Variants in CLXN observed in about 807,000 individuals in gnomAD.
The protein encoded by CLXN is EF-hand calcium binding domain 1.
At chr8:48,719,991 G>A in the CLXN span, among the ~76,000 whole-genome samples, 8,263 of 152,284 alleles carry the variant, frequency 0.054, 316 homozygotes, top group South Asian at 0.18. Flanking sequence ...AGCTGCGGCA[G>A]AGGAACATAA....
the CLXN span, among the ~76,000 whole-genome samples, chr8:48,714,380 G>A: frequency 6.6e-6 from 1 of 152,218 alleles, no homozygotes; most frequent in Non-Finnish European, 1.5e-5. Context: ...AACGGCAGAG[G>A]AGATGTGTTC....
At chr8:48,731,429 C>G in the CLXN span, 1 of 1,613,458 alleles carries the variant, frequency 6.2e-7, no homozygotes. Flanking sequence ...AGTCCAACAA[C>G]CAGACCTTGC....
the CLXN span, chr8:48,735,143 G>T: frequency 6.2e-7 from 1 of 1,614,130 alleles, no homozygotes; most frequent in South Asian, 1.1e-5. Context: ...GCAGTTTCTT[G>T]CGGTTCATGT....
chr8:48,729,897 A>AATCT, the CLXN span: 1 of 1,591,824 alleles, frequency 6.3e-7, no homozygotes, highest in Non-Finnish European at 8.6e-7. Flanking sequence ...ACAAATCATG[A>AATCT]ATTTGATGCT....
chr8:48,720,115 C>T, the CLXN span, among the ~76,000 whole-genome samples: 12 of 152,282 alleles, frequency 7.9e-5, no homozygotes, highest in Middle Eastern at 6.8e-3. Context: ...TGAAGATGTA[C>T]GTCACCTCAG....
chr8:48,728,435 A>G, the CLXN span, among the ~76,000 whole-genome samples: 1 of 152,136 alleles, frequency 6.6e-6, no homozygotes, highest in Non-Finnish European at 1.5e-5. Flanking sequence ...CCTCCCATAC[A>G]GCTGTTTAGA....
the CLXN span, chr8:48,730,094 CTT>C: frequency 1.5e-5 from 6 of 404,226 alleles, no homozygotes; most frequent in Non-Finnish European, 1.3e-5. Flanking sequence ...GGAACAGTAA[CTT>C]GAATATCTTC....
At chr8:48,726,268 T>TATCCATCC in the CLXN span, among the ~76,000 whole-genome samples, 1 of 134,184 alleles carries the variant, frequency 7.5e-6, no homozygotes, top group Non-Finnish European at 1.6e-5. Context: ...ATCATCTATC[T>TATCCATCC]ATCCATCCAT....
the CLXN span, among the ~76,000 whole-genome samples, chr8:48,713,355 A>G: frequency 0.013 from 2,039 of 152,202 alleles, 52 homozygotes; most frequent in African/African-American, 0.046. Flanking sequence ...GTTGCACTTG[A>G]TGAGAACTAA....
the CLXN span, chr8:48,729,038 A>G: frequency 6.2e-7 from 1 of 1,603,964 alleles, no homozygotes; most frequent in Non-Finnish European, 8.5e-7. Flanking sequence ...AGTCATATCA[A>G]TACCTTTGGA....
At chr8:48,722,470 C>G in the CLXN span, among the ~76,000 whole-genome samples, 20 of 152,170 alleles carry the variant, frequency 1.3e-4, no homozygotes, top group Admixed American at 1.2e-3. Flanking sequence ...GAAGAGAAAT[C>G]TGTGTCCTTA....
At chr8:48,715,200 A>T in the CLXN span, 1 of 152,372 alleles carries the variant, frequency 6.6e-6, no homozygotes, top group Non-Finnish European at 1.5e-5. Flanking sequence ...AATATCTGAA[A>T]TATTCTTCAG....
the CLXN span, among the ~76,000 whole-genome samples, chr8:48,730,959 ATACT>A: frequency 1.9e-3 from 289 of 152,270 alleles, 1 homozygote; most frequent in African/African-American, 6.2e-3. Context: ...TATAAATAAA[ATACT>A]TAATAGTTTT....
chr8:48,727,851 TGAG>T, the CLXN span, among the ~76,000 whole-genome samples: 3 of 152,008 alleles, frequency 2.0e-5, no homozygotes, highest in African/African-American at 4.8e-5. Context: ...CAAACAGATG[TGAG>T]GAGAAGAGGC....
At chr8:48,727,589 C>A in the CLXN span, among the ~76,000 whole-genome samples, 76 of 152,092 alleles carry the variant, frequency 5.0e-4, no homozygotes, top group African/African-American at 1.8e-3. Flanking sequence ...GGCACATGAG[C>A]CAGAGGCTGT....
the CLXN span, chr8:48,735,055 C>T: frequency 2.5e-6 from 4 of 1,612,450 alleles, no homozygotes; most frequent in Non-Finnish European, 3.4e-6. Context: ...AGGCTCGGTC[C>T]AGGAGCCTCG....
the CLXN span, among the ~76,000 whole-genome samples, chr8:48,719,784 A>G: frequency 2.0e-5 from 3 of 152,230 alleles, no homozygotes; most frequent in South Asian, 2.1e-4. Flanking sequence ...AAGAAAGGCC[A>G]TGTATGAAAA....
the CLXN span, among the ~76,000 whole-genome samples, chr8:48,718,153 C>T: frequency 6.6e-6 from 1 of 152,034 alleles, no homozygotes; most frequent in Non-Finnish European, 1.5e-5. Flanking sequence ...ATATTCCATG[C>T]AAATGGTAAC....
the CLXN span, chr8:48,715,132 T>C: frequency 6.6e-6 from 1 of 152,248 alleles, no homozygotes; most frequent in Non-Finnish European, 1.5e-5. Context: ...TGTAAAAGTC[T>C]GGAAGGATTT....
Sources: gnomAD v4.1 joint callset for allele counts (sites outside exome capture counted in the v4.1 genomes callset) on GRCh38, gnomAD v4.1.1 for gene constraint, MANE v1.5 for transcripts, NCBI Gene and HGNC (gene_info 2026-07-23, HGNC 2026-07-21) for gene names.